The following XPNPEP2 variants were observed in gnomAD, a reference collection of about 807,000 sequenced individuals.
The protein encoded by XPNPEP2 is X-prolyl aminopeptidase 2.
A neutral mutation model predicts 59.8 loss-of-function variants in XPNPEP2; 64 were observed. The observed-to-expected ratio is 1.07, with a 90% CI of 0.87 to 1.32. XPNPEP2 has a LOEUF of 1.32. XPNPEP2 is among the 40% of genes most tolerant of loss of function. The pLI is 0.00. For synonymous variants in XPNPEP2, 235 were observed against 210.0 expected, an observed-to-expected ratio of 1.12 and a Z score of -1.03; for missense variants, 575 against 546.8, an observed-to-expected ratio of 1.05 and a Z score of -0.51.
intron 4 of XPNPEP2, among the ~76,000 whole-genome samples, chrX:129,745,727 A>T (rs755895125): frequency 1.2e-4 from 13 of 111,859 alleles, no homozygotes; most frequent in South Asian, 3.7e-4. Context: ...CAGTGTCTGA[A>T]GGGGCCTCGC....
chrX:129,752,274 T>A lies in XPNPEP2; in HGVS notation c.946T>A (p.Ser316Thr). 2 of 1,211,918 alleles carry A rather than the reference T, an allele frequency of 1.7e-6. No homozygotes were observed. The highest frequency in any genetic ancestry group is 1.7e-5 in the African/African-American group (1 of 57,835). ...SQVRDSIQAYSLGDVRIWIGT... is the reference protein window; with the variant it reads ...SQVRDSIQAYTLGDVRIWIGT... ...AGTTCGTGACAGCATCCAGGCCTAC[T>A]CATTGGGAGATGTGAGGATCTGGAT... Residue 316 changes from serine to threonine, a missense_variant, in exon 10 of 21, where the codon TCA becomes ACA. Transcript: ENST00000371106.
At chrX:129,744,202 C>T (rs947301545) in intron 3 of XPNPEP2, 131 bp downstream of exon 3, 31 of 565,375 alleles carry the variant, frequency 5.5e-5, no homozygotes, top group Non-Finnish European at 8.7e-5. Flanking sequence ...AAGTAGAGAG[C>T]ATGGACACGG....
chrX:129,745,406 TC>T, intron 4 of XPNPEP2, 140 bp downstream of exon 4: 1 of 652,301 alleles, frequency 1.5e-6, no homozygotes, highest in Non-Finnish European at 2.4e-6. Context: ...TCTGTCTCCC[TC>T]CACCACCCCA....
At chrX:129,750,694 T>C (rs774248858) in intron 8 of XPNPEP2, 125 bp downstream of exon 8, 29 of 552,939 alleles carry the variant, frequency 5.2e-5, no homozygotes, top group African/African-American at 4.9e-4. Flanking sequence ...TCTTGAGAAC[T>C]CCATGGCCAC....
At chrX:129,752,380 C>G (rs1926437723) in intron 10 of XPNPEP2, 35 bp downstream of exon 10, 2 of 1,184,369 alleles carry the variant, frequency 1.7e-6, no homozygotes, top group African/African-American at 3.5e-5. Context: ...AGCCAGGCAC[C>G]AATCCCCACT....
In XPNPEP2 at chrX:129,753,233, C is replaced by T; in HGVS notation, c.1092C>T (p.Leu364=). 8.3e-7 allele frequency: 1 copy of T among 1,211,557 alleles called. No homozygotes were observed. Among genetic ancestry groups the T allele is most frequent in the Non-Finnish European group, 1.1e-6 (1 of 895,124 alleles). Residue 364 remains leucine, a synonymous_variant, in exon 11 of 21, where the codon CTC becomes CTT. Coordinates refer to ENST00000371106, the MANE Select transcript of XPNPEP2 (RefSeq NM_003399.6). The part of the protein sequence containing the change: ...KAVKNSKEQA[L]LKASHVRDAV... ...TGAAGAACAGCAAGGAGCAGGCCCT[C>T]CTCAAGGCCAGCCACGTAAGTCCAC...
Position 129,767,665 on chromosome X carries a change from C to A in XPNPEP2, c.1803C>A (p.Ile601=), listed in dbSNP as rs373694839. 2 of 1,209,727 alleles carry A rather than the reference C, an allele frequency of 1.7e-6. No individual in the cohort carries two copies. Among genetic ancestry groups the A allele is most frequent in the Admixed American group, 2.2e-5 (1 of 45,751 alleles). The part of the protein sequence containing the change: ...VSFVPYDRNL[I]DVSLLSPEHL... ...TTGTGCCCTATGACCGGAACCTCAT[C>A]GATGTCAGCCTGCTGTCTCCCGAGC... Residue 601 remains isoleucine (I), a synonymous_variant, in exon 20 of 21, where the codon ATC becomes ATA. Transcript: ENST00000371106.
chrX:129,746,334 A>G lies in XPNPEP2; in HGVS notation c.397A>G (p.Lys133Glu). The G allele has an allele frequency of 1.7e-6, 2 of 1,207,879 alleles. No homozygotes were observed. The highest frequency in any genetic ancestry group is 1.7e-5 in the African/African-American group (1 of 57,763). The change falls in exon 5 of 21, where the codon AAG becomes GAG. Residue 133 changes from lysine to glutamate, a missense_variant. Physicochemically the swap from Lys to Glu is moderately conservative, Grantham distance 56. Coordinates refer to ENST00000371106, the MANE Select transcript of XPNPEP2 (RefSeq NM_003399.6). ...GATGGACTGCAACTGGGAGCTCCATAAGGAAGGTAGAAGGGCCGCATGGAT... is the reference window on the plus strand; with the variant it reads ...GATGGACTGCAACTGGGAGCTCCATGAGGAAGGTAGAAGGGCCGCATGGAT... ...RQMDCNWELHKEVGTTPIVTW... is the reference protein window; with the variant it reads ...RQMDCNWELHEEVGTTPIVTW...
chrX:129,744,686 T>C (rs1230203428), intron 3 of XPNPEP2, among the ~76,000 whole-genome samples: 1 of 112,255 alleles, frequency 8.9e-6, no homozygotes, highest in Non-Finnish European at 1.9e-5. Flanking sequence ...TATCTGAACT[T>C]CCCTGAGCCT....
chrX:129,739,008 T>G lies in XPNPEP2; in HGVS notation c.-206T>G. 2.2e-6 allele frequency: 1 copy of G among 445,442 alleles called. No homozygotes were observed. Among genetic ancestry groups the G allele is most frequent in the Non-Finnish European group, 3.9e-6 (1 of 256,819 alleles). 36.7% of individuals were successfully genotyped at this position (445,442 alleles called of 1,213,427 possible). A position where few individuals can be genotyped will look rare whatever the true frequency, so the allele number is the denominator to read the frequency against. On this transcript the variant is annotated 5_prime_UTR_variant, in exon 1 of 21. Transcript: ENST00000371106. Reference sequence around the variant, plus strand: ...TCCGCCTCGGGCAGCCCAAAGCTCCTCTGCCCACCCTGGCTCCCAGAGCCC... The same window carrying G: ...TCCGCCTCGGGCAGCCCAAAGCTCCGCTGCCCACCCTGGCTCCCAGAGCCC...
intron 17 of XPNPEP2, 88 bp from the exon 18 acceptor site, chrX:129,761,918 T>G (rs1926663785): frequency 2.1e-6 from 2 of 957,977 alleles, no homozygotes; most frequent in Middle Eastern, 2.6e-4. Context: ...TCTGGGATCC[T>G]CACTTATCTG....
At chrX:129,753,410 A>G (rs1463191704) in intron 11 of XPNPEP2, among the ~76,000 whole-genome samples, 162 bp downstream of exon 11, 1 of 112,052 alleles carries the variant, frequency 8.9e-6, no homozygotes, top group East Asian at 2.8e-4. Flanking sequence ...TGGGAGGCCA[A>G]GGTGAGAGGA....
chrX:129,766,918 A>T (rs1156273664), intron 19 of XPNPEP2, among the ~76,000 whole-genome samples: 1 of 111,606 alleles, frequency 9.0e-6, no homozygotes, highest in Non-Finnish European at 1.9e-5. Context: ...ACTGTCTTAT[A>T]AAACCATCAG....
In XPNPEP2 at chrX:129,742,174, A is replaced by AC. The variant is rs748102862; in HGVS notation, c.122dup (p.Tyr42LeufsTer45). ...CAGGATGTGAGAAACTGTTCCACCA[A>AC]CCCCCCTGTGAGTGCCCCCTGCCCC... On this transcript the variant is annotated frameshift_variant, in exon 2 of 21. Transcript: ENST00000371106. LOFTEE classifies it high-confidence loss of function. 6 of 1,126,922 alleles carry AC rather than the reference A, an allele frequency of 5.3e-6. No homozygotes were observed. The highest frequency in any genetic ancestry group is 3.6e-5 in the East Asian group (1 of 27,963). 92.9% of individuals were successfully genotyped at this position (1,126,922 alleles called of 1,213,427 possible).
At chrX:129,759,143 C>T (rs747280096) in intron 14 of XPNPEP2, 37 bp from the exon 15 acceptor site, 1 of 1,209,315 alleles carries the variant, frequency 8.3e-7, no homozygotes, top group Non-Finnish European at 1.1e-6. Context: ...AGTCCCTAGC[C>T]CCAGGCATTT....
At chrX:129,748,383 T>G (rs1019329228) in intron 7 of XPNPEP2, among the ~76,000 whole-genome samples, 1 of 112,437 alleles carries the variant, frequency 8.9e-6, no homozygotes, top group African/African-American at 3.2e-5. Context: ...AAGATTCCTG[T>G]AAGTCGTAAC....
chrX:129,763,802 C>A (rs1301897507), intron 19 of XPNPEP2, among the ~76,000 whole-genome samples: 1 of 111,487 alleles, frequency 9.0e-6, no homozygotes, highest in Non-Finnish European at 1.9e-5. Context: ...CAGAAGTAAA[C>A]CCTCTTATTC....
chrX:129,739,133 C>G lies in XPNPEP2; in HGVS notation c.-81C>G. The G allele has an allele frequency of 6.7e-6, 7 of 1,051,785 alleles. No individual in the cohort carries two copies. Among genetic ancestry groups the G allele is most frequent in the Non-Finnish European group, 7.8e-6 (6 of 768,924 alleles). The allele number at this position is 1,051,785 out of a possible 1,213,427, so 86.7% of individuals were successfully genotyped here. ...TCTGTCTGCTCGAGCCCAGGAAAGGCCTGAAGGAAGAGGCCGGGGAAAGAG... is the reference window on the plus strand; with the variant it reads ...TCTGTCTGCTCGAGCCCAGGAAAGGGCTGAAGGAAGAGGCCGGGGAAAGAG... On this transcript the variant is annotated 5_prime_UTR_variant, in exon 1 of 21. Transcript: ENST00000371106.
At chrX:129,743,862 T>C in intron 2 of XPNPEP2, 99 bp from the exon 3 acceptor site, 1 of 760,185 alleles carries the variant, frequency 1.3e-6, no homozygotes, top group Non-Finnish European at 2.0e-6. Context: ...CAGGAGAGGC[T>C]GGGGGCTCTT....
Sources: allele counts gnomAD v4.1 joint callset (sites outside exome capture counted in the v4.1 genomes callset), GRCh38; gene constraint gnomAD v4.1.1; transcripts MANE v1.5; gene names NCBI Gene and HGNC (gene_info 2026-07-23, HGNC 2026-07-21).